The following FGF12 variants were observed in gnomAD, a reference collection of about 807,000 sequenced individuals.
FGF12 encodes the protein fibroblast growth factor 12B.
FGF12 carries 14 observed loss-of-function variants against 23.6 expected under a neutral mutation model. That is an observed-to-expected ratio of 0.59 (90% confidence interval 0.39 to 0.93). FGF12 has a LOEUF of 0.93. Among genes scored for constraint, FGF12 ranks in the 40% least tolerant of loss-of-function variants. The pLI is 0.00. For synonymous variants in FGF12, 62 were observed against 77.3 expected, an observed-to-expected ratio of 0.80 and a Z score of 1.04; for missense variants, 175 against 217.8, an observed-to-expected ratio of 0.80 and a Z score of 1.24.
chr3:192,477,527 A>G (rs909520746), intron 2 of FGF12, among the ~76,000 whole-genome samples: 1 of 152,228 alleles, frequency 6.6e-6, no homozygotes, highest in Non-Finnish European at 1.5e-5. Flanking sequence ...ACCAGTATAA[A>G]GATACTTTAT....
At chr3:192,185,845 C>T (rs186919193) in intron 4 of FGF12, among the ~76,000 whole-genome samples, 110 of 148,508 alleles carry the variant, frequency 7.4e-4, no homozygotes, top group African/African-American at 2.6e-3. Context: ...GGCGACAGAG[C>T]GAGGCTCCGT....
At chr3:192,584,295 ATCT>A (rs10549839) in intron 2 of FGF12, among the ~76,000 whole-genome samples, 40,267 of 151,874 alleles carry the variant, frequency 0.27, 5,694 homozygotes, top group East Asian at 0.52. Context: ...TTGTATGCCG[ATCT>A]TCTTCGGCCT....
chr3:192,221,563 GC>G (rs1718478578), intron 4 of FGF12, among the ~76,000 whole-genome samples: 1 of 152,134 alleles, frequency 6.6e-6, no homozygotes, highest in African/African-American at 2.4e-5. Flanking sequence ...ATAACCAACT[GC>G]TTGGACCTTT....
chr3:192,633,893 TAGAC>T (rs1300298322), intron 2 of FGF12, among the ~76,000 whole-genome samples: 7 of 152,294 alleles, frequency 4.6e-5, no homozygotes, highest in African/African-American at 1.7e-4. Context: ...CAAGGTGAAT[TAGAC>T]AGGTGCCTGC....
intron 2 of FGF12, among the ~76,000 whole-genome samples, chr3:192,594,506 A>G (rs1713757534): frequency 6.6e-6 from 1 of 151,874 alleles, no homozygotes; most frequent in Non-Finnish European, 1.5e-5. Context: ...TGTCTAAAAA[A>G]TCTGCTGCTA....
At chr3:192,705,074 G>C (rs546004566) in intron 2 of FGF12, among the ~76,000 whole-genome samples, 2 of 152,276 alleles carry the variant, frequency 1.3e-5, no homozygotes, top group South Asian at 2.1e-4. Context: ...CAGCAATAAG[G>C]CTGTTTCATT....
intron 4 of FGF12, among the ~76,000 whole-genome samples, chr3:192,264,094 C>T (rs952867599): frequency 1.3e-5 from 2 of 152,000 alleles, no homozygotes; most frequent in African/African-American, 4.8e-5. Flanking sequence ...ATCAATCCTC[C>T]CATCAAGTAA....
chr3:192,332,460 T>C (rs570325636), intron 4 of FGF12, among the ~76,000 whole-genome samples: 46 of 151,994 alleles, frequency 3.0e-4, no homozygotes, highest in East Asian at 5.8e-4. Context: ...TAAAAACATA[T>C]CCAGATACAT....
intron 4 of FGF12, among the ~76,000 whole-genome samples, chr3:192,264,551 A>AT (rs1712960970): frequency 6.6e-6 from 1 of 152,062 alleles, no homozygotes; most frequent in East Asian, 1.9e-4. Context: ...TAAATGATTT[A>AT]TTTTCTTATT....
intron 2 of FGF12, among the ~76,000 whole-genome samples, chr3:192,498,237 T>C (rs571065352): frequency 2.9e-4 from 44 of 152,356 alleles, no homozygotes; most frequent in African/African-American, 9.6e-4. Flanking sequence ...ATTATATATT[T>C]GCTCCCTGGC....
At chr3:192,247,045 G>GAAGGAAGT in intron 4 of FGF12, among the ~76,000 whole-genome samples, 1 of 34,836 alleles carries the variant, frequency 2.9e-5, no homozygotes, top group Non-Finnish European at 5.6e-5. Context: ...AGGAAGGAAG[G>GAAGGAAGT]AAGGAAGGAA....
At chr3:192,402,984 T>A (rs1231857731) in intron 2 of FGF12, among the ~76,000 whole-genome samples, 1 of 152,170 alleles carries the variant, frequency 6.6e-6, no homozygotes, top group Non-Finnish European at 1.5e-5. Flanking sequence ...ACAAGGCTGT[T>A]TTGTGGAATC....
rs545556845 is a variant in FGF12, at chr3:192,675,125, G to C, written c.13+52056C>G. Among the ~76,000 whole-genome samples, 8 of 152,260 alleles carry C rather than the reference G, an allele frequency of 5.3e-5. No homozygotes were observed. The South Asian group carries it at 1.7e-3, about 32-fold the overall frequency. The stretch of plus-strand genomic sequence containing the variant: ...GACAGTCTTAGGGATAGAGTAAGTG[G>C]TAGGAGCAAATCAGTTGAGTGACTA... On this transcript the variant is annotated intron_variant, in intron 2 of 5. Coordinates refer to ENST00000445105, the MANE Select transcript of FGF12 (RefSeq NM_004113.6).
rs537846055 is a variant in FGF12, at chr3:192,378,432, T to G, written c.14-17894A>C. Among the ~76,000 whole-genome samples the G allele has an allele frequency of 1.5e-4, 21 of 142,352 alleles. 2 individuals carry two copies. Among genetic ancestry groups the G allele is most frequent in the African/African-American group, 5.3e-4 (17 of 32,272 alleles). 93.4% of individuals were successfully genotyped at this position (142,352 alleles called of 152,430 possible). On this transcript the variant is annotated intron_variant, in intron 2 of 5. Transcript: ENST00000445105. ...GGTCTCCTCTAACTATTAAAATAGC[T>G]TTCCCAAAAATGCAAAGATATAGAC...
chr3:192,703,716 C>T lies in FGF12; in HGVS notation c.13+23465G>A, dbSNP rs532710459. Among the ~76,000 whole-genome samples, 8 of 152,288 alleles carry T rather than the reference C, an allele frequency of 5.3e-5. No homozygotes were observed. The East Asian group carries it at 1.5e-3, about 29-fold the overall frequency. ...TTTAATCCCCATAATCTTCACATGTCAAGGGAGAAACCTAGTGGGAGGTGA... is the reference window on the plus strand; with the variant it reads ...TTTAATCCCCATAATCTTCACATGTTAAGGGAGAAACCTAGTGGGAGGTGA... On this transcript the variant is annotated intron_variant, in intron 2 of 5. Transcript: ENST00000445105.
chr3:192,214,482 G>A (rs543133428), intron 4 of FGF12, among the ~76,000 whole-genome samples: 1 of 152,298 alleles, frequency 6.6e-6, no homozygotes, highest in East Asian at 1.9e-4. Flanking sequence ...GAAGAGACAA[G>A]TGACACATAG....
chr3:192,355,782 T>G (rs1008785166), intron 3 of FGF12, among the ~76,000 whole-genome samples: 1 of 152,206 alleles, frequency 6.6e-6, no homozygotes, highest in Admixed American at 6.5e-5. Flanking sequence ...TAAAGCTGTG[T>G]TTGGTAAAGA....
chr3:192,604,257 C>T (rs1467920431), intron 2 of FGF12, among the ~76,000 whole-genome samples: 5 of 152,126 alleles, frequency 3.3e-5, no homozygotes, highest in Admixed American at 1.3e-4. Flanking sequence ...ACATGTTTTA[C>T]AATCAATTTG....
intron 2 of FGF12, among the ~76,000 whole-genome samples, chr3:192,534,332 T>C (rs573887426): frequency 6.6e-6 from 1 of 152,176 alleles, no homozygotes; most frequent in Admixed American, 6.5e-5. Context: ...AAACTTCTGA[T>C]TTTTTCTAAT....
Sources: allele counts gnomAD v4.1 joint callset (sites outside exome capture counted in the v4.1 genomes callset), GRCh38; gene constraint gnomAD v4.1.1; transcripts MANE v1.5; gene names NCBI Gene and HGNC (gene_info 2026-07-23, HGNC 2026-07-21).